QTMAN: variants seen among roughly 807,000 people sequenced by gnomAD.
The protein encoded by QTMAN is tRNA-queuosine alpha-mannosyltransferase.
chr2:144,271,419 G>T, the QTMAN span, among the ~76,000 whole-genome samples: 1 of 152,182 alleles, frequency 6.6e-6, no homozygotes, highest in East Asian at 1.9e-4. Context: ...GCATACAGAA[G>T]GAACCAGACT....
At chr2:144,088,174 A>G in the QTMAN span, among the ~76,000 whole-genome samples, 2 of 152,002 alleles carry the variant, frequency 1.3e-5, no homozygotes, top group African/African-American at 2.4e-5. Context: ...AGCCAAGAAA[A>G]AAAATCAAGA....
the QTMAN span, among the ~76,000 whole-genome samples, chr2:144,269,850 C>T: frequency 6.6e-6 from 1 of 151,650 alleles, no homozygotes; most frequent in Non-Finnish European, 1.5e-5. Context: ...CTCACCTATT[C>T]CACCTACTTC....
chr2:144,128,811 A>C, the QTMAN span, among the ~76,000 whole-genome samples: 1 of 152,040 alleles, frequency 6.6e-6, no homozygotes. Context: ...TCTAAAACTG[A>C]AAAGAGAATG....
the QTMAN span, among the ~76,000 whole-genome samples, chr2:144,280,482 T>C: frequency 6.6e-6 from 1 of 152,186 alleles, no homozygotes; most frequent in Non-Finnish European, 1.5e-5. Flanking sequence ...GGGGGTTTTT[T>C]TGTTGTAATT....
the QTMAN span, among the ~76,000 whole-genome samples, chr2:144,071,898 TGAG>T: frequency 6.6e-6 from 1 of 151,912 alleles, no homozygotes; most frequent in Non-Finnish European, 1.5e-5. Flanking sequence ...AAGGGAGGGG[TGAG>T]GAGAACAGCA....
the QTMAN span, among the ~76,000 whole-genome samples, chr2:144,110,748 A>C: frequency 1.3e-5 from 2 of 149,138 alleles, no homozygotes; most frequent in African/African-American, 4.9e-5. Context: ...ATTATGTAGC[A>C]CTTTTAAACT....
the QTMAN span, among the ~76,000 whole-genome samples, chr2:144,259,305 C>CA: frequency 6.6e-6 from 1 of 152,122 alleles, no homozygotes; most frequent in South Asian, 2.1e-4. Flanking sequence ...ATTACAGACA[C>CA]ACGTCACCTC....
the QTMAN span, among the ~76,000 whole-genome samples, chr2:143,982,186 C>G: frequency 6.6e-6 from 1 of 152,140 alleles, no homozygotes; most frequent in Admixed American, 6.6e-5. Context: ...ATTAAATATA[C>G]TTACTGCTAG....
chr2:144,246,596 A>AG, the QTMAN span, among the ~76,000 whole-genome samples: 5 of 150,704 alleles, frequency 3.3e-5, no homozygotes, highest in Non-Finnish European at 5.9e-5. Flanking sequence ...AAAAAAAAAA[A>AG]AAAAAAGAAA....
the QTMAN span, among the ~76,000 whole-genome samples, chr2:144,263,205 A>C: frequency 6.6e-6 from 1 of 151,636 alleles, no homozygotes; most frequent in African/African-American, 2.4e-5. Context: ...TTTTTACCTA[A>C]CACAATAAGA....
the QTMAN span, among the ~76,000 whole-genome samples, chr2:144,013,214 G>T: frequency 3.3e-5 from 5 of 152,124 alleles, no homozygotes; most frequent in Admixed American, 6.6e-5. Flanking sequence ...CATTCATTCA[G>T]TAAGTACCTA....
chr2:144,126,058 A>G, the QTMAN span, among the ~76,000 whole-genome samples: 1 of 152,016 alleles, frequency 6.6e-6, no homozygotes, highest in Non-Finnish European at 1.5e-5. Context: ...CAGGATAGCC[A>G]GAAAATTATA....
the QTMAN span, among the ~76,000 whole-genome samples, chr2:144,160,733 T>A: frequency 6.6e-6 from 1 of 152,098 alleles, no homozygotes; most frequent in African/African-American, 2.4e-5. Flanking sequence ...CATCAACGGT[T>A]AGAGGGGAGA....
the QTMAN span, among the ~76,000 whole-genome samples, chr2:144,326,994 T>TACG: frequency 1.3e-5 from 2 of 152,174 alleles, no homozygotes; most frequent in South Asian, 4.1e-4. Flanking sequence ...AGTCTTTTGC[T>TACG]ACGACGTGGG....
chr2:144,073,871 G>A, the QTMAN span, among the ~76,000 whole-genome samples: 13 of 152,142 alleles, frequency 8.5e-5, no homozygotes, highest in Admixed American at 2.6e-4. Context: ...CATGGACTCC[G>A]CAAGGCATTG....
chr2:144,175,405 T>G, the QTMAN span, among the ~76,000 whole-genome samples: 1 of 152,110 alleles, frequency 6.6e-6, no homozygotes, highest in African/African-American at 2.4e-5. Context: ...AAAATTTTTT[T>G]ACATGCCTAT....
At chr2:143,944,533 C>T in the QTMAN span, 2 of 152,188 alleles carry the variant, frequency 1.3e-5, no homozygotes, top group Non-Finnish European at 2.9e-5. Context: ...AGCTCCGCCT[C>T]CTGGGTTCAC....
chr2:143,995,957 C>T, the QTMAN span, among the ~76,000 whole-genome samples: 1 of 152,118 alleles, frequency 6.6e-6, no homozygotes, highest in Admixed American at 6.5e-5. Flanking sequence ...CTTCATTTAT[C>T]CACTTACTCA....
the QTMAN span, among the ~76,000 whole-genome samples, chr2:144,065,863 C>A: frequency 1.1e-3 from 169 of 150,918 alleles, 2 homozygotes; most frequent in African/African-American, 4.0e-3. Context: ...CCATTAGACT[C>A]CAATCCAGAA....
Sources: allele counts gnomAD v4.1 joint callset (sites outside exome capture counted in the v4.1 genomes callset), GRCh38; gene constraint gnomAD v4.1.1; transcripts MANE v1.5; gene names NCBI Gene and HGNC (gene_info 2026-07-23, HGNC 2026-07-21).